Variants in RAPGEF6 observed in about 807,000 individuals in gnomAD.
RAPGEF6 encodes the protein Rap guanine nucleotide exchange factor 6, also known as PDZ domain containing guanine nucleotide exchange factor (GEF) 2.
In RAPGEF6, 56 loss-of-function variants were observed where a neutral mutation model predicts 171.4. The observed-to-expected ratio is 0.33, with a 90% CI of 0.26 to 0.41. The LOEUF (loss-of-function observed/expected upper bound fraction) is 0.41, where lower values mean the gene tolerates loss of function less well. Ranked by LOEUF, RAPGEF6 falls within the 10% of genes least tolerant of loss-of-function variation. RAPGEF6 has a pLI of 1.00. For missense variants in RAPGEF6, 1,674 were observed against 1,921.4 expected, an observed-to-expected ratio of 0.87 and a Z score of 2.41; for synonymous variants, 692 against 650.1, an observed-to-expected ratio of 1.06 and a Z score of -0.98.
At chr5:131,579,998 C>T (rs1039413532) in intron 4 of RAPGEF6, among the ~76,000 whole-genome samples, 2 of 152,352 alleles carry the variant, frequency 1.3e-5, no homozygotes, top group Admixed American at 6.5e-5. Flanking sequence ...ACCAGGGCTG[C>T]GGGCAGAGCT....
At chr5:131,601,385 C>CAAAAAAAA (rs758602740) in intron 3 of RAPGEF6, among the ~76,000 whole-genome samples, 2 of 54,304 alleles carry the variant, frequency 3.7e-5, no homozygotes, top group African/African-American at 7.1e-5. Context: ...GACTCCGTCT[C>CAAAAAAAA]AAAAAAAAAA....
At chr5:131,540,202 A>G (rs771242084) in intron 6 of RAPGEF6, among the ~76,000 whole-genome samples, 14 of 152,246 alleles carry the variant, frequency 9.2e-5, no homozygotes, top group Non-Finnish European at 1.5e-4. Flanking sequence ...TAGTCTACTA[A>G]GGAACTTGAG....
In RAPGEF6 at chr5:131,510,439, G is replaced by A. The variant is rs1332341117; in HGVS notation, c.680C>T (p.Pro227Leu). The A allele has an allele frequency of 3.7e-6, 6 of 1,614,002 alleles. No homozygotes were observed. Among genetic ancestry groups the A allele is most frequent in the Non-Finnish European group, 5.1e-6 (6 of 1,179,988 alleles). The change falls in exon 8 of 28, where the codon CCT becomes CTT. Residue 227 changes from proline (P) to leucine (L), a missense_variant. Pro to Leu is a moderately conservative substitution (Grantham distance 98, BLOSUM62 -3). This residue lies in a region of RAPGEF6 where 1,116 missense variants were observed against 1,321.5 expected (regional missense o/e 0.84). Coordinates refer to ENST00000509018, the MANE Select transcript of RAPGEF6 (RefSeq NM_016340.6). ...DVDLTRLPEG[P>L]VDSEDDEEED... ...CTCTTCGTCATCCTCAGAATCAACA[G>A]GTCCTTCTGGAAGACGTGTCAAATC... is the stretch of plus-strand genomic sequence containing the variant.
intron 4 of RAPGEF6, among the ~76,000 whole-genome samples, chr5:131,580,452 C>T (rs970188797): frequency 3.3e-5 from 5 of 152,134 alleles, no homozygotes; most frequent in African/African-American, 1.2e-4. Context: ...AAGCTGGCTC[C>T]AGCCTCAGCC....
chr5:131,552,961 A>G lies in RAPGEF6; in HGVS notation c.352-4771T>C, dbSNP rs188882494. 7.5e-4 allele frequency among the ~76,000 whole-genome samples: 115 copies of G among 152,324 alleles called. 1 individual carries two copies. In the East Asian group the frequency reaches 0.021, roughly 28 times the overall value. ...ATATACTGAAAGTATTAGAGAATAG[A>G]AAGTCAAAATTTAAAAACTTTCAAA... On this transcript the variant is annotated intron_variant, in intron 5 of 27. Coordinates refer to ENST00000509018, the MANE Select transcript of RAPGEF6 (RefSeq NM_016340.6).
intron 19 of RAPGEF6, among the ~76,000 whole-genome samples, chr5:131,460,137 T>C (rs1030721766): frequency 2.6e-5 from 4 of 152,166 alleles, no homozygotes; most frequent in African/African-American, 9.6e-5. Flanking sequence ...ACAAATATTC[T>C]TTGTAACAAA....
rs147256600 is a variant in RAPGEF6, at chr5:131,574,692, C to T, written c.282-12645G>A. Among the ~76,000 whole-genome samples, 777 of 152,228 alleles carry T rather than the reference C, an allele frequency of 5.1e-3. 4 individuals carry two copies. The highest frequency in any genetic ancestry group is 0.017 in the African/African-American group (712 of 41,516). On this transcript the variant is annotated intron_variant, in intron 4 of 27. Transcript: ENST00000509018. ...CCTGGACTACAGCCACACCTCATTG[C>T]TGCCCTTTTACCCGATTCAAGGCCT... is the stretch of plus-strand genomic sequence containing the variant.
intron 17 of RAPGEF6, among the ~76,000 whole-genome samples, chr5:131,465,777 A>G (rs1372406855): frequency 6.6e-6 from 1 of 152,074 alleles, no homozygotes; most frequent in Non-Finnish European, 1.5e-5. Context: ...AGTAAGACCC[A>G]GTCTCAAAAA....
intron 1 of RAPGEF6, among the ~76,000 whole-genome samples, chr5:131,625,034 C>T (rs543050817): frequency 2.0e-5 from 3 of 151,952 alleles, no homozygotes; most frequent in East Asian, 2.0e-4. Context: ...GAGGCCGAGG[C>T]GGGCAGATCA....
chr5:131,511,099 G>T (rs917625508), intron 7 of RAPGEF6, among the ~76,000 whole-genome samples: 8 of 152,050 alleles, frequency 5.3e-5, no homozygotes, highest in African/African-American at 1.4e-4. Context: ...TGTGATTTTT[G>T]AACTCTATAA....
chr5:131,500,139 C>T (rs1473945971), intron 11 of RAPGEF6, among the ~76,000 whole-genome samples: 1 of 152,162 alleles, frequency 6.6e-6, no homozygotes, highest in African/African-American at 2.4e-5. Flanking sequence ...CCTCGTGATC[C>T]ATCCTCCATG....
At chr5:131,499,921 C>T (rs1170748019) in intron 11 of RAPGEF6, among the ~76,000 whole-genome samples, 3 of 152,086 alleles carry the variant, frequency 2.0e-5, no homozygotes, top group African/African-American at 7.2e-5. Flanking sequence ...ATTTTTGAGA[C>T]GGAGTCTGGC....
At chr5:131,577,803 AC>A (rs1762693670) in intron 4 of RAPGEF6, among the ~76,000 whole-genome samples, 1 of 152,000 alleles carries the variant, frequency 6.6e-6, no homozygotes, top group African/African-American at 2.4e-5. Flanking sequence ...ACTCTCCCCT[AC>A]TTCCCTTAAA....
intron 4 of RAPGEF6, among the ~76,000 whole-genome samples, chr5:131,588,691 C>T (rs560363016): frequency 5.3e-5 from 8 of 151,632 alleles, no homozygotes; most frequent in African/African-American, 1.9e-4. Flanking sequence ...TGAGGTGAGC[C>T]GAGACTGAGC....
chr5:131,446,726 A>G (rs867510136), intron 21 of RAPGEF6, 23 bp from the exon 22 acceptor site: 7 of 1,586,082 alleles, frequency 4.4e-6, no homozygotes, highest in Admixed American at 1.7e-5. Flanking sequence ...GAAAATCACA[A>G]TAAGGGGCTA....
At chr5:131,436,393 G>C in intron 24 of RAPGEF6, 1 of 1,532,278 alleles carries the variant, frequency 6.5e-7, no homozygotes, top group Non-Finnish European at 8.7e-7. Flanking sequence ...TGGAGGGAGA[G>C]ATGCAAAAAC....
At chr5:131,624,622 AAAAC>A (rs149821127) in intron 1 of RAPGEF6, among the ~76,000 whole-genome samples, 128 of 152,074 alleles carry the variant, frequency 8.4e-4, no homozygotes, top group African/African-American at 2.2e-3. Flanking sequence ...CTTTAAAAAC[AAAAC>A]AAACAAACAA....
intron 5 of RAPGEF6, among the ~76,000 whole-genome samples, chr5:131,552,006 G>C (rs1217522971): frequency 3.3e-5 from 5 of 152,088 alleles, no homozygotes; most frequent in Non-Finnish European, 4.4e-5. Flanking sequence ...AGAATGATGT[G>C]AAAGCAAGAA....
intron 6 of RAPGEF6, among the ~76,000 whole-genome samples, chr5:131,522,051 A>G (rs1255572475): frequency 2.6e-5 from 4 of 152,184 alleles, no homozygotes; most frequent in Non-Finnish European, 5.9e-5. Context: ...AAATATTCCA[A>G]AAATTCTGTG....
Sources: allele counts gnomAD v4.1 joint callset (sites outside exome capture counted in the v4.1 genomes callset), GRCh38; gene constraint gnomAD v4.1.1; regional missense constraint gnomAD v4.1.1; transcripts MANE v1.5; gene names NCBI Gene and HGNC (gene_info 2026-07-23, HGNC 2026-07-21).